LITAF: variants seen among roughly 807,000 people sequenced by gnomAD.
The protein encoded by LITAF is lipopolysaccharide induced TNF factor.
A neutral mutation model predicts 14.5 loss-of-function variants in LITAF; 9 were observed. That is an observed-to-expected ratio of 0.62 (90% CI 0.37 to 1.08). LITAF has a LOEUF of 1.08. LITAF is among the 50% of genes least tolerant of loss of function. The pLI is 0.01. For synonymous variants in LITAF, 98 were observed against 88.2 expected (o/e 1.11, Z -0.62); for missense variants, 206 against 213.4 (o/e 0.97, Z 0.22).
At chr16:11,557,604 C>G (rs1031825451) in intron 1 of LITAF, among the ~76,000 whole-genome samples, 2 of 152,076 alleles carry the variant, frequency 1.3e-5, no homozygotes, top group Non-Finnish European at 2.9e-5. Flanking sequence ...CATGTGCCCC[C>G]CCGCCCGGCT....
At chr16:11,580,658 G>A (rs1262012937) in intron 1 of LITAF, among the ~76,000 whole-genome samples, 1 of 152,118 alleles carries the variant, frequency 6.6e-6, no homozygotes, top group Non-Finnish European at 1.5e-5. Context: ...TCATTCAAGA[G>A]GCTTTTTATC....
intron 1 of LITAF, among the ~76,000 whole-genome samples, chr16:11,557,763 C>A (rs1292743717): frequency 6.6e-6 from 1 of 152,162 alleles, no homozygotes; most frequent in Non-Finnish European, 1.5e-5. Flanking sequence ...TGTGTTATAG[C>A]TTTTTAAGAA....
chr16:11,594,023 A>T (rs7187498), intron 1 of LITAF, among the ~76,000 whole-genome samples: 78,061 of 151,306 alleles, frequency 0.52, 20,894 homozygotes, highest in African/African-American at 0.66. Context: ...CATTAAAAAA[A>T]ATATATACAA....
At position 11,553,617 on chromosome 16, in the gene LITAF, G is replaced by C; in HGVS notation, c.293C>G (p.Ser98Cys). Residue 98 changes from serine (S) to cysteine (C), a missense_variant, in exon 3 of 4, where the codon TCC becomes TGC. Ser to Cys is a moderately radical substitution (Grantham distance 112, BLOSUM62 -1). Coordinates refer to ENST00000622633, the MANE Select transcript of LITAF (RefSeq NM_001136472.2). The surrounding 1 kb of genome is among the most constrained non-coding windows in gnomAD (Gnocchi z 7.7). ...CTGACTCACGATCATCTTGTTGCAG[G>C]AAGGACAACACATTTGGATAGGGCG... is the stretch of plus-strand genomic sequence containing the variant. ...LDRPIQMCCP[S>C]CNKMIVSQLS... The C allele has an allele frequency of 6.2e-7, 1 of 1,614,158 alleles. No individual in the cohort carries two copies.
chr16:11,616,226 T>C (rs1261757862), intron 3 of LITAF, among the ~76,000 whole-genome samples: 4 of 152,076 alleles, frequency 2.6e-5, no homozygotes, highest in African/African-American at 9.7e-5. Context: ...GGAATCCCAA[T>C]GTTTTGGGAG....
chr16:11,620,267 C>A (rs1214081427), intron 3 of LITAF, among the ~76,000 whole-genome samples: 2 of 152,102 alleles, frequency 1.3e-5, no homozygotes, highest in African/African-American at 4.8e-5. Flanking sequence ...GGAAGCGGAT[C>A]CCCCATGATT....
upstream of LITAF, among the ~76,000 whole-genome samples, chr16:11,636,619 A>G (rs1359241814): frequency 6.6e-6 from 1 of 152,164 alleles, no homozygotes; most frequent in Admixed American, 6.5e-5. Context: ...CCTTTACGGT[A>G]CACACGATGA....
chr16:11,581,282 G>T (rs1214010541), intron 1 of LITAF, among the ~76,000 whole-genome samples: 1 of 152,234 alleles, frequency 6.6e-6, no homozygotes, highest in Non-Finnish European at 1.5e-5. Flanking sequence ...TAGGCCAAGA[G>T]TAAGAAAAAC....
intron 1 of LITAF, among the ~76,000 whole-genome samples, chr16:11,567,394 T>C (rs1296460341): frequency 6.7e-6 from 1 of 148,366 alleles, no homozygotes; most frequent in African/African-American, 2.5e-5. Context: ...CACTCCAGCC[T>C]GGGCAACAGA....
intron 3 of LITAF, among the ~76,000 whole-genome samples, chr16:11,615,043 T>C (rs1279990152): frequency 6.6e-6 from 1 of 152,090 alleles, no homozygotes; most frequent in Non-Finnish European, 1.5e-5. Flanking sequence ...ACGGGGTGGA[T>C]GACCAGTCGG....
intron 1 of LITAF, among the ~76,000 whole-genome samples, chr16:11,559,785 A>G (rs1318088468): frequency 5.4e-5 from 8 of 148,990 alleles, no homozygotes; most frequent in Non-Finnish European, 5.9e-5. Flanking sequence ...GCTTGAGCCC[A>G]GGCATTCTAG....
Position 11,629,245 on chromosome 16 carries a change from G to A in LITAF, c.85+4288C>T, listed in dbSNP as rs72781058. 6.4e-3 allele frequency: 978 copies of A among 152,348 alleles called. 16 individuals carry two copies. Among genetic ancestry groups the A allele is most frequent in the Non-Finnish European group, 7.5e-3 (510 of 68,124 alleles). The allele number at this position is 152,348 out of a possible 1,614,324, so 9.4% of individuals were successfully genotyped here. A position where few individuals can be genotyped will look rare whatever the true frequency, so the allele number is the denominator to read the frequency against. ...CTGTCCGCAGGACACCGAGGACTTTGGGGAAGGCACTCAGCCGGGAAGTCA... is the reference window on the plus strand; with the variant it reads ...CTGTCCGCAGGACACCGAGGACTTTAGGGAAGGCACTCAGCCGGGAAGTCA... On this transcript the variant is annotated intron_variant, in intron 3 of 3. Transcript: ENST00000574848.
intron 3 of LITAF, among the ~76,000 whole-genome samples, chr16:11,607,892 AG>A (rs1179561665): frequency 6.6e-6 from 1 of 152,162 alleles, no homozygotes; most frequent in Non-Finnish European, 1.5e-5. Context: ...TGGCATCCAA[AG>A]ATGTCTCCAG....
rs1195181698 is a variant in LITAF, at chr16:11,605,147, C to T, written c.85+28386G>A. ...AATGTGTCCTTTCCTCTCTCTCTCT[C>T]TCTCTCCACTGTGCAAACAGGGAGC... On this transcript the variant is annotated intron_variant, in intron 3 of 3. Transcript: ENST00000574848. The surrounding 1 kb of genome is among the most constrained non-coding windows in gnomAD (Gnocchi z 4.7). Among the ~76,000 whole-genome samples, 1 of 152,214 alleles carries T rather than the reference C, an allele frequency of 6.6e-6. No homozygotes were observed. The highest frequency in any genetic ancestry group is 2.4e-5 in the African/African-American group (1 of 41,470).
At chr16:11,557,442 T>C (rs1301522918) in intron 1 of LITAF, among the ~76,000 whole-genome samples, 2 of 152,068 alleles carry the variant, frequency 1.3e-5, no homozygotes, top group South Asian at 4.1e-4. Context: ...ATGTGTGTTA[T>C]AGTTTTGTTT....
chr16:11,601,586 T>C (rs991484232), upstream of LITAF, among the ~76,000 whole-genome samples: 1 of 152,196 alleles, frequency 6.6e-6, no homozygotes, highest in Non-Finnish European at 1.5e-5. Context: ...ATTAACTTTT[T>C]TGAGACAGGG....
chr16:11,606,457 C>G (rs746058763), intron 3 of LITAF, among the ~76,000 whole-genome samples: 2 of 152,096 alleles, frequency 1.3e-5, no homozygotes, highest in Non-Finnish European at 2.9e-5. Flanking sequence ...ATGTGAGCCA[C>G]CTCGCCTGGC....
chr16:11,554,961 A>G (rs1372162830), intron 2 of LITAF, among the ~76,000 whole-genome samples: 2 of 152,262 alleles, frequency 1.3e-5, no homozygotes, highest in East Asian at 1.9e-4. Context: ...AGTTAACTGA[A>G]CTTAGTAATA....
chr16:11,582,717 CAAGA>C (rs938209236), intron 1 of LITAF, among the ~76,000 whole-genome samples: 1 of 152,144 alleles, frequency 6.6e-6, no homozygotes, highest in African/African-American at 2.4e-5. Flanking sequence ...AGTTTGTAAA[CAAGA>C]AAGAGAACCA....
Sources: gnomAD v4.1 joint callset for allele counts (sites outside exome capture counted in the v4.1 genomes callset) on GRCh38, gnomAD v4.1.1 for gene constraint, Gnocchi (gnomAD v3.1) non-coding constraint, MANE v1.5 for transcripts, NCBI Gene and HGNC (gene_info 2026-07-23, HGNC 2026-07-21) for gene names.